The following GLI2 variants were observed in gnomAD, a reference collection of about 807,000 sequenced individuals.
The protein encoded by GLI2 is transcription activator GLI2.
GLI2 carries 22 observed loss-of-function variants against 78.9 expected under a neutral mutation model. The ratio of observed to expected loss-of-function variants is 0.28; its 90% CI spans 0.20 to 0.40. The LOEUF (loss-of-function observed/expected upper bound fraction) is 0.40, where lower values mean the gene tolerates loss of function less well. Among genes scored for constraint, GLI2 ranks in the 10% least tolerant of loss-of-function variants. The pLI, the probability that GLI2 is intolerant of heterozygous loss-of-function variation, is 1.00. For missense variants in GLI2, 2,097 were observed against 2,213.2 expected, an observed-to-expected ratio of 0.95 and a Z score of 1.05; for synonymous variants, 974 against 963.7, an observed-to-expected ratio of 1.01 and a Z score of -0.20.
At chr2:120,817,469 G>C (rs1026729911) in intron 2 of GLI2, among the ~76,000 whole-genome samples, 49 of 152,190 alleles carry the variant, frequency 3.2e-4, no homozygotes, top group African/African-American at 1.1e-3. Flanking sequence ...GGACCATCGG[G>C]GGATCTCCTG....
intron 1 of GLI2, among the ~76,000 whole-genome samples, chr2:120,776,567 C>T (rs1683682970): frequency 6.6e-6 from 1 of 152,152 alleles, no homozygotes; most frequent in Non-Finnish European, 1.5e-5. Context: ...TGGTTGGGGG[C>T]ATCACAGTGA....
chr2:120,940,923 C>T (rs1333452236), intron 3 of GLI2, among the ~76,000 whole-genome samples: 1 of 152,182 alleles, frequency 6.6e-6, no homozygotes, highest in Non-Finnish European at 1.5e-5. Context: ...CTCAGAACCC[C>T]AGCTCCCCAC....
chr2:120,797,572 G>A (rs1684461590), intron 2 of GLI2, 104 bp downstream of exon 2: 1 of 1,115,820 alleles, frequency 9.0e-7, no homozygotes, highest in Non-Finnish European at 1.3e-6. Context: ...GGCATGCTGG[G>A]TTTATGGAGG....
rs373623658 is a variant in GLI2, at chr2:120,986,238, T to A, written c.1906-40T>A. On this transcript the variant is annotated intron_variant, in intron 12 of 13. Transcript: ENST00000361492. ...AGAGGCAGGACCAGGTGGAATCTGA[T>A]ACCCTCTGAGTCTGAGCCTTCTTGC... is the stretch of plus-strand genomic sequence containing the variant. The A allele has an allele frequency of 2.7e-5, 43 of 1,573,926 alleles. 1 individual carries two copies. The African/African-American group carries it at 4.6e-4, about 17-fold the overall frequency.
intron 2 of GLI2, among the ~76,000 whole-genome samples, chr2:120,908,539 AGAACTAT>A (rs1427514271): frequency 1.3e-5 from 2 of 152,192 alleles, no homozygotes; most frequent in African/African-American, 4.8e-5. Flanking sequence ...TCCTGGGCTG[AGAACTAT>A]GAGGCAGGGC....
chr2:120,747,021 G>C (rs1365851171), intron 1 of GLI2, among the ~76,000 whole-genome samples: 2 of 152,170 alleles, frequency 1.3e-5, no homozygotes, highest in Non-Finnish European at 2.9e-5. Context: ...CATTTAGACT[G>C]TTCCTAGTTT....
At chr2:120,835,727 G>A (rs779363625) in intron 2 of GLI2, among the ~76,000 whole-genome samples, 6 of 152,084 alleles carry the variant, frequency 3.9e-5, no homozygotes, top group Non-Finnish European at 8.8e-5. Context: ...TGCTCTGGAA[G>A]TATCTTACCT....
At chr2:120,888,229 C>T (rs575675483) in intron 2 of GLI2, among the ~76,000 whole-genome samples, 1 of 152,332 alleles carries the variant, frequency 6.6e-6, no homozygotes, top group South Asian at 2.1e-4. Context: ...AGCTGTTTCT[C>T]TGGGGGTAAA....
At chr2:120,774,553 A>G (rs1440849984) in intron 1 of GLI2, among the ~76,000 whole-genome samples, 1 of 152,220 alleles carries the variant, frequency 6.6e-6, no homozygotes, top group Non-Finnish European at 1.5e-5. Flanking sequence ...AAATTCCTAG[A>G]CAGGAAGTGG....
intron 2 of GLI2, among the ~76,000 whole-genome samples, chr2:120,926,488 G>C (rs1679684577): frequency 6.6e-6 from 1 of 152,190 alleles, no homozygotes; most frequent in Non-Finnish European, 1.5e-5. Context: ...CCACTGGCCT[G>C]TGGCCTTCAG....
chr2:120,862,635 G>A (rs573741028), intron 2 of GLI2, among the ~76,000 whole-genome samples: 113 of 152,314 alleles, frequency 7.4e-4, no homozygotes, highest in African/African-American at 2.6e-3. Context: ...GAGCTGGGCA[G>A]GTGGGGGGCC....
intron 2 of GLI2, among the ~76,000 whole-genome samples, chr2:120,824,732 G>A (rs1267984020): frequency 1.3e-5 from 2 of 152,214 alleles, no homozygotes; most frequent in Non-Finnish European, 2.9e-5. Flanking sequence ...GAGATAAGGT[G>A]TCCCACAGCC....
intron 2 of GLI2, among the ~76,000 whole-genome samples, chr2:120,927,004 C>T (rs1018660454): frequency 2.0e-5 from 3 of 152,222 alleles, no homozygotes; most frequent in East Asian, 1.9e-4. Flanking sequence ...CAGCCAGGGC[C>T]GGCATGGGCA....
intron 1 of GLI2, among the ~76,000 whole-genome samples, chr2:120,790,887 G>A (rs1459423079): frequency 6.6e-6 from 1 of 152,150 alleles, no homozygotes; most frequent in Non-Finnish European, 1.5e-5. Flanking sequence ...GGCCCTGCAG[G>A]CAGGTGATCT....
intron 9 of GLI2, among the ~76,000 whole-genome samples, chr2:120,976,491 G>A (rs1682462762): frequency 6.6e-6 from 1 of 152,172 alleles, no homozygotes; most frequent in African/African-American, 2.4e-5. Flanking sequence ...CACCTCTTTG[G>A]GGTAAACAAG....
chr2:120,935,124 G>T lies in GLI2; in HGVS notation c.254+7658G>T, dbSNP rs77953641. 7.0e-3 allele frequency among the ~76,000 whole-genome samples: 1,067 copies of T among 152,310 alleles called. 14 individuals are homozygous for T. The highest frequency in any genetic ancestry group is 0.025 in the African/African-American group (1,031 of 41,572). On this transcript the variant is annotated intron_variant, in intron 3 of 13. Coordinates refer to ENST00000361492, the MANE Select transcript of GLI2 (RefSeq NM_001374353.1). Reference sequence around the variant, plus strand: ...TTCTCCTCCCTCTGCAAACATGCTCGTTTCTTTTCAGAGCCTAGAGGAAGG... The same window carrying T: ...TTCTCCTCCCTCTGCAAACATGCTCTTTTCTTTTCAGAGCCTAGAGGAAGG...
chr2:120,959,433 T>C (rs565999931), intron 5 of GLI2, among the ~76,000 whole-genome samples: 2 of 152,328 alleles, frequency 1.3e-5, no homozygotes, highest in Admixed American at 1.3e-4. Context: ...TCAGTTACAA[T>C]CCAAGAAAAT....
chr2:120,853,746 A>C (rs535783156), intron 2 of GLI2, among the ~76,000 whole-genome samples: 1 of 152,210 alleles, frequency 6.6e-6, no homozygotes, highest in Non-Finnish European at 1.5e-5. Context: ...CTCTCCTCGC[A>C]GGCCCCAGGG....
chr2:120,950,768 C>A (rs1428613094), intron 3 of GLI2, among the ~76,000 whole-genome samples: 1 of 152,252 alleles, frequency 6.6e-6, no homozygotes, highest in African/African-American at 2.4e-5. Flanking sequence ...TGCAGGACAT[C>A]TCCTGATCCC....
Sources: gnomAD v4.1 joint callset for allele counts (sites outside exome capture counted in the v4.1 genomes callset) on GRCh38, gnomAD v4.1.1 for gene constraint, MANE v1.5 for transcripts, NCBI Gene and HGNC (gene_info 2026-07-23, HGNC 2026-07-21) for gene names.